The following CTNND2 variants were observed in gnomAD, a reference collection of about 807,000 sequenced individuals.
CTNND2 encodes the protein catenin delta-2.
A neutral mutation model predicts 144.4 loss-of-function variants in CTNND2; 22 were observed. The observed-to-expected ratio is 0.15, with a 90% CI of 0.11 to 0.22. CTNND2 has a LOEUF of 0.22. Ranked by LOEUF, CTNND2 falls within the 10% of genes least tolerant of loss-of-function variation. The pLI, the probability that CTNND2 is intolerant of heterozygous loss-of-function variation, is 1.00. For synonymous variants in CTNND2, 751 were observed against 695.6 expected (o/e 1.08, Z -1.25); for missense variants, 1,353 against 1,618.8 (o/e 0.84, Z 2.82).
rs189331363 is a variant in CTNND2, at chr5:11,900,811, A to G, written c.37+3006T>C. 4.3e-3 allele frequency among the ~76,000 whole-genome samples: 649 copies of G among 152,332 alleles called. 3 individuals are homozygous for G. Among genetic ancestry groups the G allele is most frequent in the Middle Eastern group, 0.01 (3 of 294 alleles). ...CTTCAGCTGAAGTACTGGACTTGAAAATGACTAGCAGTCCATGCTTAGTTT... is the reference window on the plus strand; with the variant it reads ...CTTCAGCTGAAGTACTGGACTTGAAGATGACTAGCAGTCCATGCTTAGTTT... On this transcript the variant is annotated intron_variant, in intron 1 of 21. Coordinates refer to ENST00000304623, the MANE Select transcript of CTNND2 (RefSeq NM_001332.4).
chr5:11,156,933 AG>A (rs1758270729), intron 12 of CTNND2, among the ~76,000 whole-genome samples: 1 of 152,194 alleles, frequency 6.6e-6, no homozygotes, highest in Non-Finnish European at 1.5e-5. Context: ...CAGAGAGGAA[AG>A]TGTTGCCCCG....
At chr5:11,641,533 A>C (rs1782001880) in intron 2 of CTNND2, among the ~76,000 whole-genome samples, 1 of 151,484 alleles carries the variant, frequency 6.6e-6, no homozygotes, top group African/African-American at 2.4e-5. Context: ...ATACACGTAT[A>C]TGTATATGCA....
At chr5:11,180,080 G>A (rs541625741) in intron 11 of CTNND2, among the ~76,000 whole-genome samples, 7 of 152,250 alleles carry the variant, frequency 4.6e-5, no homozygotes, top group South Asian at 2.1e-4. Flanking sequence ...ATCTCATCTC[G>A]AATTGTAAGC....
chr5:11,257,058 A>G lies in CTNND2; in HGVS notation c.1629-20235T>C, dbSNP rs563924398. On this transcript the variant is annotated intron_variant, in intron 9 of 21. Transcript: ENST00000304623. ...GTAAGGTAATATTTCTGATACAGCA[A>G]GAGAAAGGTCACAGGAAATTAATCT... 3.1e-4 allele frequency among the ~76,000 whole-genome samples: 48 copies of G among 152,394 alleles called. 3 individuals are homozygous for G. The South Asian group carries it at 9.7e-3, about 31-fold the overall frequency.
chr5:11,877,546 T>C (rs978960706), intron 1 of CTNND2, among the ~76,000 whole-genome samples: 2 of 152,162 alleles, frequency 1.3e-5, no homozygotes, highest in Non-Finnish European at 2.9e-5. Flanking sequence ...AAGCACATAA[T>C]TTTTAAGCTG....
chr5:11,628,123 T>G (rs137999227), intron 2 of CTNND2, among the ~76,000 whole-genome samples: 1,989 of 152,126 alleles, frequency 0.013, 21 homozygotes, highest in South Asian at 0.032. Context: ...AAATTTGTGA[T>G]TTGGATAGGG....
At chr5:11,606,090 A>C (rs113535706) in intron 2 of CTNND2, among the ~76,000 whole-genome samples, 3 of 152,200 alleles carry the variant, frequency 2.0e-5, no homozygotes, top group Non-Finnish European at 2.9e-5. Context: ...ATGCAAAGCC[A>C]AAGATGGAGG....
chr5:11,034,603 G>C (rs1743863554), intron 16 of CTNND2, among the ~76,000 whole-genome samples: 1 of 152,338 alleles, frequency 6.6e-6, no homozygotes, highest in South Asian at 2.1e-4. Flanking sequence ...GAAGGACATT[G>C]TGAGGAGTCA....
chr5:11,411,894 C>A lies in CTNND2; in HGVS notation c.322+141G>T. ...GATTTAACTCTCAATAAATTGTGAA[C>A]TATCATAACAACTTCATCTAATTTT... On this transcript the variant is annotated intron_variant, in intron 4 of 21. Transcript: ENST00000304623. The A allele has an allele frequency of 1.3e-5, 10 of 742,088 alleles. No individual in the cohort carries two copies. In the South Asian group the frequency reaches 1.7e-4, roughly 13 times the overall value. 46.0% of individuals were successfully genotyped at this position (742,088 alleles called of 1,614,324 possible).
intron 18 of CTNND2, among the ~76,000 whole-genome samples, chr5:10,994,394 G>A (rs1282142513): frequency 2.8e-5 from 1 of 36,330 alleles, no homozygotes; most frequent in Non-Finnish European, 5.8e-5. Context: ...AAGAGGAGGG[G>A]GGCGGGGAAC....
chr5:10,987,628 C>CT (rs11453467), intron 20 of CTNND2, among the ~76,000 whole-genome samples: 51,276 of 138,776 alleles, frequency 0.37, 10,425 homozygotes, highest in African/African-American at 0.46. Flanking sequence ...TCCTCCTGCC[C>CT]TCCTCTTTCC....
At chr5:11,595,586 A>C (rs1329889083) in intron 2 of CTNND2, among the ~76,000 whole-genome samples, 1 of 152,188 alleles carries the variant, frequency 6.6e-6, no homozygotes, top group East Asian at 1.9e-4. Context: ...TTTCAGAAGT[A>C]GCTCTCTACC....
chr5:11,560,022 T>A (rs1776561556), intron 3 of CTNND2, among the ~76,000 whole-genome samples: 1 of 152,126 alleles, frequency 6.6e-6, no homozygotes, highest in Non-Finnish European at 1.5e-5. Context: ...CTCCTCCACG[T>A]CCTTGCAAGG....
At chr5:11,873,721 C>T (rs950885748) in intron 1 of CTNND2, among the ~76,000 whole-genome samples, 4 of 152,164 alleles carry the variant, frequency 2.6e-5, no homozygotes, top group African/African-American at 7.2e-5. Flanking sequence ...TCACTTTCTG[C>T]GTGGGAATTT....
intron 3 of CTNND2, among the ~76,000 whole-genome samples, chr5:11,485,636 T>C (rs1348424264): frequency 6.6e-6 from 1 of 152,192 alleles, no homozygotes; most frequent in East Asian, 1.9e-4. Flanking sequence ...AAAACCATTA[T>C]TTGGTAAACA....
chr5:11,263,952 G>C (rs994811928), intron 9 of CTNND2, among the ~76,000 whole-genome samples: 5 of 152,172 alleles, frequency 3.3e-5, no homozygotes, highest in South Asian at 2.1e-4. Flanking sequence ...TTCTTTCCAT[G>C]CATTTGAAAT....
chr5:11,249,027 G>A (rs189021042), intron 9 of CTNND2, among the ~76,000 whole-genome samples: 9 of 152,308 alleles, frequency 5.9e-5, no homozygotes, highest in East Asian at 5.8e-4. Flanking sequence ...ACATTTGGTC[G>A]CTGTGCTCTC....
intron 9 of CTNND2, among the ~76,000 whole-genome samples, chr5:11,259,061 T>A (rs1294723652): frequency 6.6e-6 from 1 of 152,192 alleles, no homozygotes; most frequent in South Asian, 2.1e-4. Flanking sequence ...AGGATTACCA[T>A]CTACAATCAG....
intron 9 of CTNND2, among the ~76,000 whole-genome samples, chr5:11,340,099 C>A (rs190505028): frequency 6.6e-6 from 1 of 152,270 alleles, no homozygotes; most frequent in Non-Finnish European, 1.5e-5. Flanking sequence ...ACTGGCTACC[C>A]TCCTCCATTT....
Sources: gnomAD v4.1 joint callset for allele counts (sites outside exome capture counted in the v4.1 genomes callset) on GRCh38, gnomAD v4.1.1 for gene constraint, MANE v1.5 for transcripts, NCBI Gene and HGNC (gene_info 2026-07-23, HGNC 2026-07-21) for gene names.